The following LRMDA variants were observed in gnomAD, a reference collection of about 807,000 sequenced individuals.
The protein encoded by LRMDA is leucine rich melanocyte differentiation associated.
Under a neutral mutation model 29.8 loss-of-function variants are expected in LRMDA, and 18 were observed. The observed-to-expected ratio is 0.60, with a 90% CI of 0.42 to 0.90. The LOEUF is 0.90. LRMDA is among the 40% of genes least tolerant of loss of function. The pLI is 0.00. For synonymous variants in LRMDA, 125 were observed against 109.4 expected (o/e 1.14, Z -0.89); for missense variants, 273 against 273.9 (o/e 1.00, Z 0.02).
chr10:75,653,906 C>G (rs1051352461), intron 2 of LRMDA, among the ~76,000 whole-genome samples: 3 of 152,156 alleles, frequency 2.0e-5, no homozygotes, highest in Non-Finnish European at 4.4e-5. Flanking sequence ...CCTTTTTCCA[C>G]GTCTCTCTGA....
intron 5 of LRMDA, among the ~76,000 whole-genome samples, chr10:76,124,948 T>C (rs548981000): frequency 6.6e-6 from 1 of 152,356 alleles, no homozygotes; most frequent in East Asian, 1.9e-4. Flanking sequence ...GGCCATACTG[T>C]CAGTAGAGAA....
chr10:76,223,297 A>G (rs1009172263), intron 5 of LRMDA, among the ~76,000 whole-genome samples: 3 of 152,154 alleles, frequency 2.0e-5, no homozygotes, highest in African/African-American at 4.8e-5. Flanking sequence ...GTCTCCTTAA[A>G]TACTGAATAG....
intron 5 of LRMDA, among the ~76,000 whole-genome samples, chr10:76,248,502 G>T (rs1233352563): frequency 6.6e-6 from 1 of 152,118 alleles, no homozygotes; most frequent in East Asian, 1.9e-4. Flanking sequence ...GCCTCTTTAG[G>T]GTTGGATAAA....
intron 6 of LRMDA, among the ~76,000 whole-genome samples, chr10:76,389,563 C>A (rs60686879): frequency 0.023 from 3,530 of 152,224 alleles, 147 homozygotes; most frequent in African/African-American, 0.079. Flanking sequence ...ACCACGATGA[C>A]CACCATCCAT....
intron 5 of LRMDA, among the ~76,000 whole-genome samples, chr10:76,255,123 T>C (rs1459091433): frequency 1.3e-5 from 2 of 152,228 alleles, no homozygotes; most frequent in Non-Finnish European, 2.9e-5. Context: ...TCTAGTTTTC[T>C]TAATTAGAAA....
chr10:75,509,290 G>T (rs1399339281), intron 2 of LRMDA, among the ~76,000 whole-genome samples: 1 of 152,124 alleles, frequency 6.6e-6, no homozygotes, highest in African/African-American at 2.4e-5. Flanking sequence ...ATGTGTGTGT[G>T]TGTAACACTC....
chr10:75,810,881 A>G (rs990480327), intron 2 of LRMDA, among the ~76,000 whole-genome samples: 2 of 152,176 alleles, frequency 1.3e-5, no homozygotes, highest in African/African-American at 4.8e-5. Context: ...CCTGTTTAAA[A>G]CTTGCAAACA....
chr10:76,382,304 T>C lies in LRMDA; in HGVS notation c.601+57819T>C, dbSNP rs558615644. 5.3e-5 allele frequency among the ~76,000 whole-genome samples: 8 copies of C among 152,250 alleles called. No individual in the cohort carries two copies. The East Asian group carries it at 1.5e-3, about 29-fold the overall frequency. The stretch of plus-strand genomic sequence containing the variant: ...ACAGCATGGTCTAAAGTTGGAAAAA[T>C]AGGAATTCAGTGTCTAGTTGAGTTA... On this transcript the variant is annotated intron_variant, in intron 6 of 6. Transcript: ENST00000611255.
chr10:75,466,910 C>T (rs1844658204), intron 2 of LRMDA, among the ~76,000 whole-genome samples: 1 of 152,046 alleles, frequency 6.6e-6, no homozygotes, highest in South Asian at 2.1e-4. Context: ...AAACCAAACC[C>T]CAAACTCAAA....
chr10:75,728,098 C>T (rs1365094766), intron 2 of LRMDA, among the ~76,000 whole-genome samples: 1 of 152,150 alleles, frequency 6.6e-6, no homozygotes, highest in African/African-American at 2.4e-5. Flanking sequence ...GATGAGGAAA[C>T]TGAGGTTTAG....
intron 2 of LRMDA, among the ~76,000 whole-genome samples, chr10:76,015,248 C>T (rs547100128): frequency 3.9e-5 from 6 of 152,194 alleles, no homozygotes; most frequent in Admixed American, 6.5e-5. Context: ...CTTCTGTGGG[C>T]CAAGAGTTTG....
chr10:76,479,096 T>G (rs1423631753), intron 6 of LRMDA, among the ~76,000 whole-genome samples: 1 of 151,616 alleles, frequency 6.6e-6, no homozygotes, highest in Non-Finnish European at 1.5e-5. Flanking sequence ...ATATTGAGCT[T>G]ATAAAATAAA....
chr10:76,491,599 T>C (rs1292479094), intron 6 of LRMDA, among the ~76,000 whole-genome samples: 1 of 152,040 alleles, frequency 6.6e-6, no homozygotes, highest in Non-Finnish European at 1.5e-5. Flanking sequence ...ACTTTTAGGA[T>C]CCTTTCTTTA....
intron 2 of LRMDA, among the ~76,000 whole-genome samples, chr10:75,718,062 A>G (rs1305687046): frequency 6.6e-6 from 1 of 152,202 alleles, no homozygotes; most frequent in Admixed American, 6.5e-5. Flanking sequence ...TTTTTCCTGT[A>G]TAAATGGATA....
chr10:75,906,131 C>G (rs1291527271), intron 2 of LRMDA, among the ~76,000 whole-genome samples: 1 of 151,726 alleles, frequency 6.6e-6, no homozygotes, highest in African/African-American at 2.4e-5. Flanking sequence ...AAATGGTGAT[C>G]ATAGTATCTG....
At chr10:75,431,831 A>C in intron 1 of LRMDA, 77 bp downstream of exon 1, 3 of 1,251,760 alleles carry the variant, frequency 2.4e-6, no homozygotes, top group Non-Finnish European at 3.0e-6. Context: ...GAGGCTCCCC[A>C]GGGCCTAGAC....
chr10:76,053,583 G>A (rs1848564558), intron 4 of LRMDA, among the ~76,000 whole-genome samples: 3 of 152,106 alleles, frequency 2.0e-5, no homozygotes, highest in Non-Finnish European at 4.4e-5. Flanking sequence ...TAGAACAAAG[G>A]GAAATAGATC....
At position 76,171,699 on chromosome 10, in the gene LRMDA, C is replaced by T. The variant is rs938723645; in HGVS notation, c.516+112916C>T. Among the ~76,000 whole-genome samples, 7 of 152,194 alleles carry T rather than the reference C, an allele frequency of 4.6e-5. No homozygotes were observed. In the East Asian group the frequency reaches 1.2e-3, roughly 25 times the overall value. On this transcript the variant is annotated intron_variant, in intron 5 of 6. Coordinates refer to ENST00000611255, the MANE Select transcript of LRMDA (RefSeq NM_001305581.2). The stretch of plus-strand genomic sequence containing the variant: ...GTTGGTGCTTCTCTTTAGGGCATAG[C>T]ACCAACGTCTTCTTGTGAGTGTATC...
intron 1 of LRMDA, among the ~76,000 whole-genome samples, chr10:75,436,610 G>A (rs183074039): frequency 6.6e-6 from 1 of 152,172 alleles, no homozygotes; most frequent in African/African-American, 2.4e-5. Flanking sequence ...TGGGACTACA[G>A]GCACTCCCCA....
Sources: gnomAD v4.1 joint callset for allele counts (sites outside exome capture counted in the v4.1 genomes callset) on GRCh38, gnomAD v4.1.1 for gene constraint, MANE v1.5 for transcripts, NCBI Gene and HGNC (gene_info 2026-07-23, HGNC 2026-07-21) for gene names.